SERTAD4: variants seen among roughly 807,000 people sequenced by gnomAD.
SERTAD4 encodes the protein SERTA domain-containing protein 4.
A neutral mutation model predicts 32.9 loss-of-function variants in SERTAD4; 18 were observed. That is an observed-to-expected ratio of 0.55 (90% CI 0.38 to 0.81). SERTAD4 has a LOEUF of 0.81. SERTAD4 is among the 30% of genes least tolerant of loss of function. The probability of loss-of-function intolerance (pLI) is 0.00; values close to 1 mark genes in which losing one functional copy is unlikely to be tolerated. For synonymous variants in SERTAD4, 150 were observed against 156.4 expected, an observed-to-expected ratio of 0.96 and a Z score of 0.30; for missense variants, 383 against 426.0, an observed-to-expected ratio of 0.90 and a Z score of 0.89.
At chr1:210,239,699 A>C in intron 3 of SERTAD4, 91 bp downstream of exon 3, 1 of 727,016 alleles carries the variant, frequency 1.4e-6, no homozygotes, top group Non-Finnish European at 2.2e-6. Context: ...AAATTGTTTC[A>C]CCCAAGCAAT....
chr1:210,241,444 G>T, intron 3 of SERTAD4, 114 bp from the exon 4 acceptor site: 1 of 1,092,678 alleles, frequency 9.2e-7, no homozygotes, highest in Non-Finnish European at 1.3e-6. Flanking sequence ...CCCAGACCCA[G>T]ACAGTGCCAA....
Position 210,242,405 on chromosome 1 carries a change from A to G in SERTAD4, c.*68A>G, listed in dbSNP as rs941141664. The G allele has an allele frequency of 2.6e-6, 4 of 1,511,050 alleles. No homozygotes were observed. The African/African-American group carries it at 5.6e-5, about 21-fold the overall frequency. 93.6% of individuals were successfully genotyped at this position (1,511,050 alleles called of 1,614,324 possible). On this transcript the variant is annotated 3_prime_UTR_variant, in exon 4 of 4. Coordinates refer to ENST00000367012, the MANE Select transcript of SERTAD4 (RefSeq NM_019605.5). This position sits in a 1 kb window ranked among gnomAD's most constrained non-coding sequence, Gnocchi z 4.0. ...GTTAGCTCTCGTAAATTTTATTTTG[A>G]ATGGATTTTGTAGTTTTGTACAACA...
chr1:210,233,923 G>A (rs1340334949), intron 1 of SERTAD4: 6 of 430,374 alleles, frequency 1.4e-5, no homozygotes, highest in African/African-American at 4.3e-5. Context: ...CCTGCCAGCC[G>A]CTGTGAGTCA....
Position 210,242,900 on chromosome 1 carries a change from C to G in SERTAD4, c.*563C>G. ...ATGTAACATAATGAAACACACCTGT[C>G]TAGGGGCGGCAATCAACAGTCTTAC... On this transcript the variant is annotated 3_prime_UTR_variant, in exon 4 of 4. Coordinates refer to ENST00000367012, the MANE Select transcript of SERTAD4 (RefSeq NM_019605.5). This position sits in a 1 kb window ranked among gnomAD's most constrained non-coding sequence, Gnocchi z 4.0. The G allele has an allele frequency of 1.0e-6, 1 of 985,970 alleles. No individual in the cohort carries two copies. 61.1% of individuals were successfully genotyped at this position (985,970 alleles called of 1,614,324 possible).
chr1:210,243,031 A>AT lies in SERTAD4; in HGVS notation c.*699dup, dbSNP rs2084014525. ...TTTTTGGTGCCTTACTTTTATCTTA[A>AT]TTTTTGCCAATGTGAAAATTAAGGA... On this transcript the variant is annotated 3_prime_UTR_variant, in exon 4 of 4. Transcript: ENST00000367012. The AT allele has an allele frequency of 1.0e-6, 1 of 961,608 alleles. No homozygotes were observed. The highest frequency in any genetic ancestry group is 2.0e-5 in the African/African-American group (1 of 50,500). 59.6% of individuals were successfully genotyped at this position (961,608 alleles called of 1,614,324 possible). A position where few individuals can be genotyped will look rare whatever the true frequency, so the allele number is the denominator to read the frequency against.
chr1:210,246,083 T>A lies in SERTAD4; in HGVS notation c.*3746T>A. 1 of 211,344 alleles carries A rather than the reference T, an allele frequency of 4.7e-6. No individual in the cohort carries two copies. The highest frequency in any genetic ancestry group is 1.7e-4 in the South Asian group (1 of 5,866). 13.1% of individuals were successfully genotyped at this position (211,344 alleles called of 1,614,324 possible). ...AGACAAGCATTCAGCATGGCATTAGTAATGATGGTTTAAACTAGGTGCAGA... is the reference window on the plus strand; with the variant it reads ...AGACAAGCATTCAGCATGGCATTAGAAATGATGGTTTAAACTAGGTGCAGA... On this transcript the variant is annotated 3_prime_UTR_variant, in exon 4 of 4. Coordinates refer to ENST00000367012, the MANE Select transcript of SERTAD4 (RefSeq NM_019605.5).
intron 2 of SERTAD4, among the ~76,000 whole-genome samples, chr1:210,238,583 T>A (rs933574568): frequency 6.6e-6 from 1 of 152,224 alleles, no homozygotes; most frequent in Non-Finnish European, 1.5e-5. Context: ...AACCCATTTA[T>A]GCCCAGTGTT....
rs1444766626 is a variant in SERTAD4 at position 210,235,668 on chromosome 1, C to T, written c.-17-2276C>T. ...GCTAACAAATAGAAACGCTGAAATT[C>T]CTCACAACCAAAAAAGGTACTACCA... On this transcript the variant is annotated intron_variant, in intron 1 of 3. Coordinates refer to ENST00000367012, the MANE Select transcript of SERTAD4 (RefSeq NM_019605.5). Among the ~76,000 whole-genome samples, 3 of 152,036 alleles carry T rather than the reference C, an allele frequency of 2.0e-5. 1 individual carries two copies. The highest frequency in any genetic ancestry group is 4.8e-5 in the African/African-American group (2 of 41,374).
Position 210,241,972 on chromosome 1 carries a change from C to T in SERTAD4, c.706C>T (p.Pro236Ser). ...SSSSSSSPPL[P>S]LPSCSRQVDF... ...ATCTTCCTCTTCCTCTCCCCCTTTG[C>T]CTTTACCGAGTTGTTCCCGCCAGGT... The change falls in exon 4 of 4, where the codon CCT (proline) becomes TCT (serine). Residue 236 changes from proline (P) to serine (S), a missense_variant. Pro to Ser is a moderately conservative substitution (Grantham distance 74). Transcript: ENST00000367012. 1 of 1,614,168 alleles carries T rather than the reference C, an allele frequency of 6.2e-7. No homozygotes were observed. The highest frequency in any genetic ancestry group is 8.5e-7 in the Non-Finnish European group (1 of 1,180,024).
Position 210,245,951 on chromosome 1 carries a change from A to G in SERTAD4, c.*3614A>G, listed in dbSNP as rs116795968. On this transcript the variant is annotated 3_prime_UTR_variant, in exon 4 of 4. Coordinates refer to ENST00000367012, the MANE Select transcript of SERTAD4 (RefSeq NM_019605.5). ...TGGTGAGCAGGAGACTTTTTTGGAAATAATTAGTTGTGAAATTCCATTTTT... is the reference window on the plus strand; with the variant it reads ...TGGTGAGCAGGAGACTTTTTTGGAAGTAATTAGTTGTGAAATTCCATTTTT... 4.1e-4 allele frequency: 400 copies of G among 984,366 alleles called. 1 individual carries two copies. In the African/African-American group the frequency reaches 6.3e-3, roughly 16 times the overall value. The allele number at this position is 984,366 out of a possible 1,614,324, so 61.0% of individuals were successfully genotyped here.
intron 2 of SERTAD4, 28 bp from the exon 3 acceptor site, chr1:210,239,465 A>C (rs374979148): frequency 7.4e-7 from 1 of 1,356,192 alleles, no homozygotes; most frequent in African/African-American, 1.4e-5. Context: ...ACCGCATGTC[A>C]TTTGTCATAT....
At chr1:210,233,791 G>A (rs1470540166) in intron 1 of SERTAD4, 1 of 470,470 alleles carries the variant, frequency 2.1e-6, no homozygotes, top group African/African-American at 2.0e-5. Context: ...GGTCCCACGG[G>A]CGCAGGGCGC....
intron 1 of SERTAD4, chr1:210,233,885 CG>C: frequency 2.2e-6 from 1 of 460,060 alleles, no homozygotes; most frequent in South Asian, 1.6e-5. Flanking sequence ...GGCTGGAGCG[CG>C]GGGGCCCGGG....
At position 210,242,824 on chromosome 1, in the gene SERTAD4, G is replaced by A; in HGVS notation, c.*487G>A. 1.0e-6 allele frequency: 1 copy of A among 987,318 alleles called. No homozygotes were observed. The highest frequency in any genetic ancestry group is 1.2e-6 in the Non-Finnish European group (1 of 831,144). 61.2% of individuals were successfully genotyped at this position (987,318 alleles called of 1,614,324 possible). On this transcript the variant is annotated 3_prime_UTR_variant, in exon 4 of 4. Coordinates refer to ENST00000367012, the MANE Select transcript of SERTAD4 (RefSeq NM_019605.5). This position sits in a 1 kb window ranked among gnomAD's most constrained non-coding sequence, Gnocchi z 4.0. ...GGGAGCTAGATGAAATGGCTTAATG[G>A]TGCTGTTAAGTATTTGTACCTAACA...
chr1:210,238,111 C>G lies in SERTAD4; in HGVS notation c.151C>G (p.Arg51Gly), dbSNP rs746883486. 6.2e-7 allele frequency: 1 copy of G among 1,609,448 alleles called. No individual in the cohort carries two copies. Among genetic ancestry groups the G allele is most frequent in the Non-Finnish European group, 8.5e-7 (1 of 1,178,592 alleles). ...AGCACAAGCTCCTTTGCAGGGAGAC[C>G]GGGGAGCTGGTCCCCCACTGGCAGG... is the stretch of plus-strand genomic sequence containing the variant. ...GPAQAPLQGDRGAGPPLAGSH... is the reference protein window; with the variant it reads ...GPAQAPLQGDGGAGPPLAGSH... The change falls in exon 2 of 4, where the codon CGG becomes GGG. Residue 51 changes from arginine (R) to glycine (G), a missense_variant. Arg to Gly is a moderately radical substitution (Grantham distance 125, BLOSUM62 -2). Coordinates refer to ENST00000367012, the MANE Select transcript of SERTAD4 (RefSeq NM_019605.5).
chr1:210,240,314 G>T (rs1284596974), intron 3 of SERTAD4, among the ~76,000 whole-genome samples: 1 of 152,108 alleles, frequency 6.6e-6, no homozygotes, highest in Non-Finnish European at 1.5e-5. Context: ...ATCAAGGCAG[G>T]TATAAGCACA....
chr1:210,242,574 T>C lies in SERTAD4; in HGVS notation c.*237T>C, dbSNP rs567292186. 2.6e-5 allele frequency: 33 copies of C among 1,246,182 alleles called. No homozygotes were observed. The African/African-American group carries it at 4.2e-4, about 16-fold the overall frequency. 77.2% of individuals were successfully genotyped at this position (1,246,182 alleles called of 1,614,324 possible). ...AAACGATTGACTTAATGCTTAAAAG[T>C]ATATCATAGTTTTCTTACGGAAAAG... On this transcript the variant is annotated 3_prime_UTR_variant, in exon 4 of 4. Coordinates refer to ENST00000367012, the MANE Select transcript of SERTAD4 (RefSeq NM_019605.5). This position sits in a 1 kb window ranked among gnomAD's most constrained non-coding sequence, Gnocchi z 4.0.
Position 210,244,844 on chromosome 1 carries a change from A to G in SERTAD4, c.*2507A>G, listed in dbSNP as rs2084032398. 6.6e-6 allele frequency: 1 copy of G among 152,210 alleles called. No homozygotes were observed. The highest frequency in any genetic ancestry group is 1.5e-5 in the Non-Finnish European group (1 of 68,040). The allele number at this position is 152,210 out of a possible 1,614,324, so 9.4% of individuals were successfully genotyped here. A position where few individuals can be genotyped will look rare whatever the true frequency, so the allele number is the denominator to read the frequency against. On this transcript the variant is annotated 3_prime_UTR_variant, in exon 4 of 4. Coordinates refer to ENST00000367012, the MANE Select transcript of SERTAD4 (RefSeq NM_019605.5). ...AAGTGATGCCTTTGAATCCAGCAGC[A>G]TAAAAATCTGTTCTTTTTAGTCATC...
At position 210,242,809 on chromosome 1, in the gene SERTAD4, T is replaced by C. The variant is rs1173627875; in HGVS notation, c.*472T>C. On this transcript the variant is annotated 3_prime_UTR_variant, in exon 4 of 4. Coordinates refer to ENST00000367012, the MANE Select transcript of SERTAD4 (RefSeq NM_019605.5). The surrounding 1 kb of genome is among the most constrained non-coding windows in gnomAD (Gnocchi z 4.0). The stretch of plus-strand genomic sequence containing the variant: ...AAAAGACTAAAGACAGGGAGCTAGA[T>C]GAAATGGCTTAATGGTGCTGTTAAG... The C allele has an allele frequency of 1.0e-6, 1 of 988,128 alleles. No homozygotes were observed. Among genetic ancestry groups the C allele is most frequent in the Non-Finnish European group, 1.2e-6 (1 of 831,648 alleles). 61.2% of individuals were successfully genotyped at this position (988,128 alleles called of 1,614,324 possible).
Sources: gnomAD v4.1 joint callset for allele counts (sites outside exome capture counted in the v4.1 genomes callset) on GRCh38, gnomAD v4.1.1 for gene constraint, Gnocchi (gnomAD v3.1) non-coding constraint, MANE v1.5 for transcripts, NCBI Gene and HGNC (gene_info 2026-07-23, HGNC 2026-07-21) for gene names.